MPND: variants seen among roughly 807,000 people sequenced by gnomAD.
MPND encodes the protein MPN domain containing, also known as MPN domain-containing protein.
MPND carries 56 observed loss-of-function variants against 59.2 expected under a neutral mutation model. That is an observed-to-expected ratio of 0.95 (90% CI 0.76 to 1.18). The LOEUF (loss-of-function observed/expected upper bound fraction) is 1.18, where lower values mean the gene tolerates loss of function less well. Among genes scored for constraint, MPND ranks in the 50% most tolerant of loss-of-function variants. The probability of loss-of-function intolerance (pLI) is 0.00; values close to 1 mark genes in which losing one functional copy is unlikely to be tolerated. For synonymous variants in MPND, 323 were observed against 291.9 expected (o/e 1.11, Z -1.09); for missense variants, 671 against 676.0 (o/e 0.99, Z 0.08).
At chr19:4,350,259 GGA>G (rs1375385861) in intron 3 of MPND, among the ~76,000 whole-genome samples, 1 of 152,128 alleles carries the variant, frequency 6.6e-6, no homozygotes, top group Non-Finnish European at 1.5e-5. Flanking sequence ...AGTGAGTAAG[GGA>G]GAGAGAAGGA....
chr19:4,354,247 G>A, intron 5 of MPND, 77 bp from the exon 6 acceptor site: 1 of 1,494,326 alleles, frequency 6.7e-7, no homozygotes. Context: ...AGAGCTGTGG[G>A]GTTGGGGGAG....
intron 3 of MPND, among the ~76,000 whole-genome samples, chr19:4,346,521 G>T (rs560531512): frequency 6.6e-6 from 1 of 151,808 alleles, no homozygotes; most frequent in African/African-American, 2.4e-5. Flanking sequence ...GGGTTCAAGC[G>T]ATCCTCCCAC....
intron 2 of MPND, among the ~76,000 whole-genome samples, chr19:4,344,410 C>T (rs1972140070): frequency 6.9e-6 from 1 of 145,910 alleles, no homozygotes; most frequent in South Asian, 2.2e-4. Context: ...AGGAGGAGCT[C>T]CCGTGGAGGG....
rs1972380190 is a variant in MPND, at chr19:4,354,121, C to T, written c.741C>T (p.Asp247=). 1.9e-6 allele frequency: 3 copies of T among 1,611,916 alleles called. No individual in the cohort carries two copies. Among genetic ancestry groups the T allele is most frequent in the Non-Finnish European group, 2.5e-6 (3 of 1,178,262 alleles). Residue 247 remains aspartate, a synonymous_variant, in exon 5 of 13, where the codon GAC becomes GAT. Coordinates refer to ENST00000599840, the MANE Select transcript of MPND (RefSeq NM_001300862.2). The part of the protein sequence containing the change: ...PVRYCMLGSR[D]LARNPHTLVE... ...GCTACTGCATGCTGGGCAGCCGCGA[C>T]TTGGCCAGGTCAGACTCACCCCAAG...
chr19:4,345,975 T>G lies in MPND; in HGVS notation c.525T>G (p.Ala175=). The change falls in exon 3 of 13, where the codon GCT becomes GCG. Residue 175 remains alanine, a synonymous_variant. Transcript: ENST00000599840. ...AGCTGCACACGCCTGCCACGGCTGC[T>G]GATGAGGTACGTGCTGCAGCCTCCT... ...LHQLHTPATA[A]DESPASEGEE... is the part of the protein sequence containing the mutation. The G allele has an allele frequency of 6.2e-7, 1 of 1,611,564 alleles. No homozygotes were observed. The highest frequency in any genetic ancestry group is 1.1e-5 in the South Asian group (1 of 90,890).
intron 3 of MPND, among the ~76,000 whole-genome samples, chr19:4,346,413 C>T (rs1466402447): frequency 6.6e-6 from 1 of 151,926 alleles, no homozygotes; most frequent in Non-Finnish European, 1.5e-5. Context: ...CCTTTGTGTG[C>T]CTTAGTTTTT....
chr19:4,351,517 C>T (rs1314863033), intron 3 of MPND, among the ~76,000 whole-genome samples: 1 of 152,144 alleles, frequency 6.6e-6, no homozygotes, highest in Non-Finnish European at 1.5e-5. Flanking sequence ...TTCATTTCAC[C>T]CTGATGCCAT....
chr19:4,353,228 G>C (rs1972361605), intron 4 of MPND, among the ~76,000 whole-genome samples, 199 bp downstream of exon 4: 1 of 152,122 alleles, frequency 6.6e-6, no homozygotes, highest in African/African-American at 2.4e-5. Flanking sequence ...TCACTGCCTT[G>C]ACTTCTTAAG....
chr19:4,349,029 G>C (rs2091278695), intron 3 of MPND: 1 of 216,572 alleles, frequency 4.6e-6, no homozygotes, highest in African/African-American at 2.3e-5. Flanking sequence ...TGCATCAGCA[G>C]AGGGGTTGAA....
chr19:4,359,862 C>A, intron 12 of MPND, 54 bp from the exon 13 acceptor site: 1 of 1,434,932 alleles, frequency 7.0e-7, no homozygotes, highest in South Asian at 1.3e-5. Context: ...CTGTGAGGCG[C>A]AGGGCTGGCT....
intron 3 of MPND, among the ~76,000 whole-genome samples, chr19:4,351,860 T>TAAAAAA (rs1972325196): frequency 5.8e-5 from 2 of 34,638 alleles, no homozygotes; most frequent in African/African-American, 2.2e-4. Flanking sequence ...AGACTCTGTC[T>TAAAAAA]CAAAAAAAAA....
chr19:4,356,023 T>G (rs1044238489), intron 8 of MPND, among the ~76,000 whole-genome samples: 1 of 151,296 alleles, frequency 6.6e-6, no homozygotes, highest in Non-Finnish European at 1.5e-5. Context: ...CCAGCTAATT[T>G]TTGTATTTTT....
In MPND at chr19:4,357,887, T is replaced by C. The variant is rs559993462; in HGVS notation, c.1237-196T>C. On this transcript the variant is annotated intron_variant, in intron 10 of 12. Transcript: ENST00000599840. The stretch of plus-strand genomic sequence containing the variant: ...GCCCTGGGAAGTCATTTCAGGGCCC[T>C]GGCTCTCCTCTGGGCCTCTCCCACA... 6.5e-6 allele frequency: 4 copies of C among 610,988 alleles called. 1 individual carries two copies. The highest frequency in any genetic ancestry group is 1.2e-5 in the Non-Finnish European group (4 of 346,012). The allele number at this position is 610,988 out of a possible 1,614,324, so 37.8% of individuals were successfully genotyped here. A position where few individuals can be genotyped will look rare whatever the true frequency, so the allele number is the denominator to read the frequency against.
At chr19:4,350,247 CGAGT>C (rs1972286191) in intron 3 of MPND, among the ~76,000 whole-genome samples, 1 of 151,642 alleles carries the variant, frequency 6.6e-6, no homozygotes, top group East Asian at 1.9e-4. Flanking sequence ...TGGCTGGAGC[CGAGT>C]GAGTAAGGGA....
Position 4,357,518 on chromosome 19 carries a change from C to T in MPND, c.1169C>T (p.Pro390Leu). The T allele has an allele frequency of 6.2e-7, 1 of 1,613,736 alleles. No homozygotes were observed. The highest frequency in any genetic ancestry group is 2.2e-5 in the East Asian group (1 of 44,882). The change falls in exon 10 of 13, where the codon CCT becomes CTT. Residue 390 changes from proline to leucine, a missense_variant. Coordinates refer to ENST00000599840, the MANE Select transcript of MPND (RefSeq NM_001300862.2). ...CCCTCTCCCTCTCTCCCGCCAGCCCCTTACTATTCTGGCAACCCAGGCCCC... is the reference window on the plus strand; with the variant it reads ...CCCTCTCCCTCTCTCCCGCCAGCCCTTTACTATTCTGGCAACCCAGGCCCC... ...FQPCLALLCS[P>L]YYSGNPGPES...
At chr19:4,344,786 T>C (rs1303925768) in intron 2 of MPND, among the ~76,000 whole-genome samples, 1 of 149,856 alleles carries the variant, frequency 6.7e-6, no homozygotes, top group Non-Finnish European at 1.5e-5. Context: ...TTGCCCAGGC[T>C]GGAATGCAGT....
At chr19:4,356,537 C>G (rs1972441792) in intron 8 of MPND, 1 of 152,154 alleles carries the variant, frequency 6.6e-6, no homozygotes. Flanking sequence ...AGAGCAAGAC[C>G]CTATATCTAA....
rs1972459862 is a variant in MPND at position 4,357,314 on chromosome 19, A to ACAG, written c.1060_1062dup (p.Ser354dup). ...GTGGGCTGGTACCACAGCCACCCAC[A>ACAG]CAGCCCGGCGCTGCCATCTCTGCAG... On this transcript the variant is annotated inframe_insertion, in exon 9 of 13. Coordinates refer to ENST00000599840, the MANE Select transcript of MPND (RefSeq NM_001300862.2). 6 of 1,613,112 alleles carry ACAG rather than the reference A, an allele frequency of 3.7e-6. No homozygotes were observed. In the South Asian group the frequency reaches 6.6e-5, roughly 18 times the overall value.
At chr19:4,349,747 G>A (rs1972272488) in intron 3 of MPND, among the ~76,000 whole-genome samples, 1 of 152,200 alleles carries the variant, frequency 6.6e-6, no homozygotes, top group African/African-American at 2.4e-5. Context: ...CTGACCTCAG[G>A]TGATCCGCCC....
Sources: gnomAD v4.1 joint callset for allele counts (sites outside exome capture counted in the v4.1 genomes callset) on GRCh38, gnomAD v4.1.1 for gene constraint, MANE v1.5 for transcripts, NCBI Gene and HGNC (gene_info 2026-07-23, HGNC 2026-07-21) for gene names.